NBAS: variants seen among roughly 807,000 people sequenced by gnomAD.
The protein encoded by NBAS is NAG/BC035112 fusion.
NBAS carries 219 observed loss-of-function variants against 302.5 expected under a neutral mutation model. That is an observed-to-expected ratio of 0.72 (90% confidence interval 0.65 to 0.81). NBAS has a LOEUF of 0.81. Ranked by LOEUF, NBAS falls within the 30% of genes least tolerant of loss-of-function variation. NBAS has a pLI of 0.00. For synonymous variants in NBAS, 1,118 were observed against 1,021.6 expected, an observed-to-expected ratio of 1.09 and a Z score of -1.80; for missense variants, 2,932 against 2,841.6, an observed-to-expected ratio of 1.03 and a Z score of -0.72.
chr2:15,072,016 T>C, the NBAS span, among the ~76,000 whole-genome samples: 40 of 152,328 alleles, frequency 2.6e-4, no homozygotes, highest in Admixed American at 2.5e-3. Flanking sequence ...CAAATTAATA[T>C]TTGACTGAAT....
chr2:15,078,764 T>C, the NBAS span, among the ~76,000 whole-genome samples: 2 of 152,146 alleles, frequency 1.3e-5, no homozygotes, highest in Non-Finnish European at 2.9e-5. Context: ...AAAACAGACA[T>C]AAAAATCAGT....
intron 21 of NBAS, among the ~76,000 whole-genome samples, chr2:15,455,164 AAGTGCTGGGATTAC>A (rs1679194342): frequency 6.6e-6 from 1 of 152,116 alleles, no homozygotes; most frequent in Non-Finnish European, 1.5e-5. Flanking sequence ...TGGCCTCCCA[AAGTGCTGGGATTAC>A]AGGCGTGAGC....
chr2:15,031,348 C>T, the NBAS span, among the ~76,000 whole-genome samples: 1 of 152,214 alleles, frequency 6.6e-6, no homozygotes, highest in Non-Finnish European at 1.5e-5. Context: ...GAACCATAAT[C>T]TCAACATGTC....
chr2:15,118,054 GA>G, the NBAS span, among the ~76,000 whole-genome samples: 1 of 152,100 alleles, frequency 6.6e-6, no homozygotes, highest in Admixed American at 6.5e-5. Context: ...TTATTAACAG[GA>G]AAAAAGAAAC....
intron 44 of NBAS, among the ~76,000 whole-genome samples, chr2:15,258,813 GT>G (rs1668721006): frequency 6.6e-6 from 1 of 152,102 alleles, no homozygotes; most frequent in South Asian, 2.1e-4. Flanking sequence ...TGTGATCTTT[GT>G]TCTCCTTTTT....
At chr2:15,456,487 G>A (rs1679252089) in intron 21 of NBAS, among the ~76,000 whole-genome samples, 1 of 152,154 alleles carries the variant, frequency 6.6e-6, no homozygotes, top group Admixed American at 6.5e-5. Context: ...TACTTCCTGA[G>A]CTACTGGTTT....
At chr2:15,093,033 C>T in the NBAS span, among the ~76,000 whole-genome samples, 13 of 152,132 alleles carry the variant, frequency 8.5e-5, no homozygotes, top group African/African-American at 2.9e-4. Context: ...CTGGCACTAG[C>T]GGTTGTTCAA....
the NBAS span, among the ~76,000 whole-genome samples, chr2:14,880,886 T>G: frequency 6.6e-6 from 1 of 151,698 alleles, no homozygotes; most frequent in Non-Finnish European, 1.5e-5. Flanking sequence ...ATTATTAGGC[T>G]TTAAAGTCAA....
the NBAS span, among the ~76,000 whole-genome samples, chr2:15,073,754 A>T: frequency 6.6e-6 from 1 of 152,148 alleles, no homozygotes; most frequent in Non-Finnish European, 1.5e-5. Flanking sequence ...TTTTTACCTA[A>T]TATTAAGTTT....
chr2:15,134,485 A>T, the NBAS span, among the ~76,000 whole-genome samples: 3 of 152,116 alleles, frequency 2.0e-5, no homozygotes, highest in Non-Finnish European at 2.9e-5. Flanking sequence ...TCTCTCTCAC[A>T]CACACACACA....
At chr2:14,807,440 C>CGTGTGTGTGT in the NBAS span, among the ~76,000 whole-genome samples, 74 of 128,630 alleles carry the variant, frequency 5.8e-4, no homozygotes, top group African/African-American at 2.4e-3. Flanking sequence ...TTTCAAATCC[C>CGTGTGTGTGT]GTGTGTGTGT....
Position 15,534,414 on chromosome 2 carries a change from T to C in NBAS, c.746+129A>G, listed in dbSNP as rs1420663598. 1.0e-4 allele frequency: 76 copies of C among 757,626 alleles called. 1 individual carries two copies. In the Middle Eastern group the frequency reaches 1.5e-3, roughly 15 times the overall value. 46.9% of individuals were successfully genotyped at this position (757,626 alleles called of 1,614,324 possible). ...AATCAGATGACAACAGTATTATAGA[T>C]ATTAAAGATAACTACGCACAAGAGG... On this transcript the variant is annotated intron_variant, in intron 9 of 51. Coordinates refer to ENST00000281513, the MANE Select transcript of NBAS (RefSeq NM_015909.4).
the NBAS span, among the ~76,000 whole-genome samples, chr2:14,790,745 G>A: frequency 6.6e-6 from 1 of 150,692 alleles, no homozygotes; most frequent in Admixed American, 6.6e-5. Context: ...TCTGCCTCCT[G>A]GGTTCAAGCA....
In NBAS at chr2:15,266,961, C is replaced by T. The variant is rs534922946; in HGVS notation, c.5724+8523G>A. On this transcript the variant is annotated intron_variant, in intron 44 of 51. Transcript: ENST00000281513. ...TTTTGAAATAATTATAGATCTAAAA[C>T]AAGTTGCAAAATAGTACAGAGAGAT... Among the ~76,000 whole-genome samples the T allele has an allele frequency of 1.2e-4, 18 of 152,254 alleles. No individual in the cohort carries two copies. The South Asian group carries it at 3.3e-3, about 28-fold the overall frequency.
intron 11 of NBAS, among the ~76,000 whole-genome samples, chr2:15,498,444 C>T (rs1220649057): frequency 6.6e-6 from 1 of 152,000 alleles, no homozygotes; most frequent in Non-Finnish European, 1.5e-5. Flanking sequence ...AACATGCTGG[C>T]GAGGTTGTGG....
At chr2:14,792,790 T>C in the NBAS span, among the ~76,000 whole-genome samples, 3 of 152,020 alleles carry the variant, frequency 2.0e-5, no homozygotes, top group Non-Finnish European at 4.4e-5. Context: ...ACAACTTGAA[T>C]GAGAAAAGGT....
At chr2:15,280,610 C>G (rs189683055) in intron 42 of NBAS, among the ~76,000 whole-genome samples, 14 of 152,298 alleles carry the variant, frequency 9.2e-5, no homozygotes, top group Admixed American at 3.9e-4. Context: ...TTGAGTCTTT[C>G]AAGTTCGGCT....
At chr2:15,094,290 TCA>T in the NBAS span, among the ~76,000 whole-genome samples, 2 of 152,282 alleles carry the variant, frequency 1.3e-5, no homozygotes, top group East Asian at 3.9e-4. Context: ...TCCATCTGCC[TCA>T]TAATGAGAAG....
chr2:15,343,378 G>A (rs1354649271), intron 35 of NBAS, among the ~76,000 whole-genome samples: 1 of 152,098 alleles, frequency 6.6e-6, no homozygotes, highest in East Asian at 1.9e-4. Context: ...GGGACAGAAT[G>A]ATGTTTCATC....
Sources: allele counts gnomAD v4.1 joint callset (sites outside exome capture counted in the v4.1 genomes callset), GRCh38; gene constraint gnomAD v4.1.1; transcripts MANE v1.5; gene names NCBI Gene and HGNC (gene_info 2026-07-23, HGNC 2026-07-21).